PPM1L: variants seen among roughly 807,000 people sequenced by gnomAD.
PPM1L encodes the protein protein phosphatase, Mg2+/Mn2+ dependent 1L, also known as protein phosphatase 1L.
A neutral mutation model predicts 31.4 loss-of-function variants in PPM1L; 13 were observed. That is an observed-to-expected ratio of 0.41 (90% CI 0.27 to 0.66). PPM1L has a LOEUF of 0.66. Among genes scored for constraint, PPM1L ranks in the 30% least tolerant of loss-of-function variants. The pLI is 0.29. For synonymous variants in PPM1L, 184 were observed against 175.4 expected (o/e 1.05, Z -0.39); for missense variants, 326 against 453.7 (o/e 0.72, Z 2.56).
intron 1 of PPM1L, among the ~76,000 whole-genome samples, chr3:160,797,951 G>A (rs1429898957): frequency 2.6e-5 from 4 of 152,272 alleles, no homozygotes; most frequent in Admixed American, 1.3e-4. Context: ...AGGCCAAGGC[G>A]GGCGGATCAT....
chr3:160,945,621 G>A (rs1466368456), intron 1 of PPM1L, among the ~76,000 whole-genome samples: 1 of 152,010 alleles, frequency 6.6e-6, no homozygotes, highest in Non-Finnish European at 1.5e-5. Context: ...TTTGCATTGG[G>A]TGCCAAGAAA....
intron 1 of PPM1L, among the ~76,000 whole-genome samples, chr3:160,944,775 ATATTATATTATATATG>A (rs1715278253): frequency 3.0e-5 from 2 of 66,584 alleles, no homozygotes; most frequent in African/African-American, 1.0e-4. Flanking sequence ...AACATGTTAT[ATATTATATTATATATG>A]TTATATATAA....
chr3:160,875,730 A>G (rs1447612), intron 1 of PPM1L, among the ~76,000 whole-genome samples: 4,163 of 152,290 alleles, frequency 0.027, 121 homozygotes, highest in Admixed American at 0.082. Context: ...GAAGAAACAC[A>G]TTTAGGTTAA....
chr3:160,976,069 A>T (rs1193903609), intron 2 of PPM1L, among the ~76,000 whole-genome samples: 4 of 111,404 alleles, frequency 3.6e-5, no homozygotes, highest in South Asian at 7.1e-4. Flanking sequence ...ATTTATTGAG[A>T]GTTTTTAGCA....
At chr3:160,786,157 C>CTGTG (rs1239014226) in intron 1 of PPM1L, among the ~76,000 whole-genome samples, 22 of 69,194 alleles carry the variant, frequency 3.2e-4, no homozygotes, top group East Asian at 5.0e-4. Flanking sequence ...CTCTCTCTCT[C>CTGTG]TGTGTGTGTG....
At chr3:160,811,009 T>C (rs1281247573) in intron 1 of PPM1L, among the ~76,000 whole-genome samples, 1 of 152,244 alleles carries the variant, frequency 6.6e-6, no homozygotes, top group African/African-American at 2.4e-5. Context: ...TAAATCTCCC[T>C]CAGTTTCTAT....
intron 1 of PPM1L, among the ~76,000 whole-genome samples, chr3:160,879,595 C>T (rs1463325212): frequency 6.6e-6 from 1 of 152,124 alleles, no homozygotes; most frequent in African/African-American, 2.4e-5. Flanking sequence ...AGAATATATA[C>T]ACATGAAAAT....
chr3:160,898,687 TA>T (rs541258795), intron 1 of PPM1L, among the ~76,000 whole-genome samples: 23 of 152,266 alleles, frequency 1.5e-4, no homozygotes, highest in African/African-American at 5.1e-4. Context: ...ATTCTGACGA[TA>T]AAGTTCTAAT....
intron 1 of PPM1L, among the ~76,000 whole-genome samples, chr3:160,770,153 T>C (rs1715212908): frequency 6.8e-6 from 1 of 147,210 alleles, no homozygotes; most frequent in Admixed American, 6.6e-5. Context: ...TCTACTTTCT[T>C]TTCTTTTCTT....
chr3:161,003,425 T>A (rs1717579307), intron 2 of PPM1L, among the ~76,000 whole-genome samples: 1 of 151,882 alleles, frequency 6.6e-6, no homozygotes, highest in East Asian at 1.9e-4. Flanking sequence ...TAAATTACCT[T>A]GGGCAGTATA....
At chr3:160,897,883 C>G (rs1560143197) in intron 1 of PPM1L, among the ~76,000 whole-genome samples, 1 of 152,244 alleles carries the variant, frequency 6.6e-6, no homozygotes, top group African/African-American at 2.4e-5. Flanking sequence ...CTGTCACTCA[C>G]TTAGCAAGAC....
At chr3:160,989,908 T>G (rs1451103166) in intron 2 of PPM1L, among the ~76,000 whole-genome samples, 5 of 152,158 alleles carry the variant, frequency 3.3e-5, no homozygotes, top group Non-Finnish European at 7.4e-5. Context: ...CAAGCAATCC[T>G]CCTGCCTTGG....
At chr3:160,932,535 C>G (rs1236273239) in intron 1 of PPM1L, among the ~76,000 whole-genome samples, 3 of 152,122 alleles carry the variant, frequency 2.0e-5, no homozygotes, top group Non-Finnish European at 4.4e-5. Context: ...ATGAAGTAAT[C>G]TTATAGGATG....
chr3:160,849,651 C>T (rs1313665224), intron 1 of PPM1L, among the ~76,000 whole-genome samples: 2 of 151,920 alleles, frequency 1.3e-5, no homozygotes, highest in African/African-American at 2.4e-5. Context: ...GTCTCGATCT[C>T]CTGACCTTGT....
At chr3:160,915,185 A>G (rs889110278) in intron 1 of PPM1L, among the ~76,000 whole-genome samples, 1 of 152,060 alleles carries the variant, frequency 6.6e-6, no homozygotes, top group Non-Finnish European at 1.5e-5. Context: ...AAATCTCCTT[A>G]AGCTGATATG....
chr3:160,815,199 A>G (rs1249408267), intron 1 of PPM1L, among the ~76,000 whole-genome samples: 2 of 152,186 alleles, frequency 1.3e-5, no homozygotes, highest in Non-Finnish European at 2.9e-5. Flanking sequence ...GAGGGACTTG[A>G]GACACATTTG....
At chr3:160,955,900 C>T (rs1023260712) in intron 1 of PPM1L, among the ~76,000 whole-genome samples, 5 of 151,938 alleles carry the variant, frequency 3.3e-5, no homozygotes, top group South Asian at 2.1e-4. Context: ...ATGATCCGCC[C>T]GCCTCAGCCT....
At chr3:161,040,857 T>C (rs961061677) in intron 2 of PPM1L, among the ~76,000 whole-genome samples, 1 of 152,196 alleles carries the variant, frequency 6.6e-6, no homozygotes, top group African/African-American at 2.4e-5. Context: ...GAAAATAAAA[T>C]TATTTTATCC....
At position 160,789,982 on chromosome 3, in the gene PPM1L, A is replaced by C. The variant is rs918511850; in HGVS notation, c.399+33275A>C. Among the ~76,000 whole-genome samples the C allele has an allele frequency of 2.0e-5, 3 of 152,182 alleles. No individual in the cohort carries two copies. In the East Asian group the frequency reaches 5.8e-4, roughly 29 times the overall value. On this transcript the variant is annotated intron_variant, in intron 1 of 3. Transcript: ENST00000498165. The stretch of plus-strand genomic sequence containing the variant: ...GTATACTTTAAATCATCTCTAGATT[A>C]CTTATAATACCTAATACAGTATAAA...
Sources: allele counts gnomAD v4.1 joint callset (sites outside exome capture counted in the v4.1 genomes callset), GRCh38; gene constraint gnomAD v4.1.1; transcripts MANE v1.5; gene names NCBI Gene and HGNC (gene_info 2026-07-23, HGNC 2026-07-21).